MATCAP2: variants seen among roughly 807,000 people sequenced by gnomAD.
MATCAP2 encodes putative tyrosine carboxypeptidase MATCAP2.
the MATCAP2 span, chr7:36,366,613 G>A: frequency 1.4e-6 from 2 of 1,442,166 alleles, no homozygotes; most frequent in Non-Finnish European, 9.3e-7. Context: ...TTTGAAATAG[G>A]ATTTAACAAT....
chr7:36,357,409 A>G, the MATCAP2 span: 2 of 1,614,162 alleles, frequency 1.2e-6, no homozygotes, highest in Non-Finnish European at 1.7e-6. Flanking sequence ...TTTGTGAATG[A>G]TACTTTTTTT....
At chr7:36,334,408 A>C in the MATCAP2 span, among the ~76,000 whole-genome samples, 1 of 151,776 alleles carries the variant, frequency 6.6e-6, no homozygotes, top group Non-Finnish European at 1.5e-5. Flanking sequence ...GGTGGTGTGC[A>C]CCTGGGGTCC....
the MATCAP2 span, chr7:36,366,853 C>T: frequency 6.6e-7 from 1 of 1,503,802 alleles, no homozygotes; most frequent in South Asian, 1.2e-5. Context: ...TACCTGAGCC[C>T]CGGGCGGCGG....
chr7:36,325,959 A>G, the MATCAP2 span: 1 of 151,804 alleles, frequency 6.6e-6, no homozygotes, highest in Non-Finnish European at 1.5e-5. Context: ...ATTCTGTTTC[A>G]TAAAAAAGGT....
At chr7:36,375,665 A>T in the MATCAP2 span, among the ~76,000 whole-genome samples, 2 of 152,208 alleles carry the variant, frequency 1.3e-5, no homozygotes, top group African/African-American at 4.8e-5. Context: ...AAGGAATGGT[A>T]CCAGCTCCTC....
At chr7:36,347,681 T>C in the MATCAP2 span, among the ~76,000 whole-genome samples, 2 of 152,198 alleles carry the variant, frequency 1.3e-5, no homozygotes, top group Non-Finnish European at 2.9e-5. Context: ...AGAAAGTACT[T>C]AAGTTTTAAC....
At chr7:36,353,063 T>C in the MATCAP2 span, among the ~76,000 whole-genome samples, 2 of 151,946 alleles carry the variant, frequency 1.3e-5, no homozygotes, top group Admixed American at 6.6e-5. Flanking sequence ...TCACTTGAGC[T>C]CAGGAGACCA....
the MATCAP2 span, among the ~76,000 whole-genome samples, chr7:36,346,290 A>T: frequency 6.9e-4 from 105 of 152,240 alleles, no homozygotes; most frequent in Admixed American, 4.4e-3. Context: ...CTAGATGTGG[A>T]CCCAAGATAA....
chr7:36,383,951 G>A, the MATCAP2 span: 27 of 1,409,594 alleles, frequency 1.9e-5, no homozygotes, highest in Non-Finnish European at 2.6e-5. Context: ...AAAGATTTGT[G>A]TTATTGTATT....
chr7:36,368,820 T>G, the MATCAP2 span, among the ~76,000 whole-genome samples: 1 of 152,168 alleles, frequency 6.6e-6, no homozygotes, highest in African/African-American at 2.4e-5. Flanking sequence ...CTCAAGGCCT[T>G]TGCAACTTGG....
At chr7:36,336,245 A>G in the MATCAP2 span, 2 of 1,534,470 alleles carry the variant, frequency 1.3e-6, no homozygotes, top group Non-Finnish European at 1.7e-6. Flanking sequence ...GGCTTGTTCA[A>G]ATTTTTCATA....
chr7:36,372,474 C>T, the MATCAP2 span, among the ~76,000 whole-genome samples: 2 of 152,118 alleles, frequency 1.3e-5, no homozygotes, highest in South Asian at 2.1e-4. Flanking sequence ...GAATGAAAAG[C>T]GTTAAGTAGA....
At chr7:36,386,242 T>G in the MATCAP2 span, among the ~76,000 whole-genome samples, 2 of 151,980 alleles carry the variant, frequency 1.3e-5, no homozygotes, top group African/African-American at 4.8e-5. Context: ...TAACTGCTGC[T>G]AAGACAACTG....
chr7:36,360,361 T>C, the MATCAP2 span, among the ~76,000 whole-genome samples: 2 of 152,258 alleles, frequency 1.3e-5, no homozygotes, highest in South Asian at 2.1e-4. Context: ...GAATGAAGTA[T>C]GGCAGCGGGG....
chr7:36,363,427 T>C, the MATCAP2 span, among the ~76,000 whole-genome samples: 1 of 152,222 alleles, frequency 6.6e-6, no homozygotes. Context: ...TGCGTTCTAT[T>C]TTGAAAACAA....
chr7:36,324,222 C>T, the MATCAP2 span: 1 of 152,236 alleles, frequency 6.6e-6, no homozygotes. Context: ...CACACTTCAT[C>T]TGAGAACCTT....
chr7:36,331,336 T>C, the MATCAP2 span, among the ~76,000 whole-genome samples: 1 of 152,170 alleles, frequency 6.6e-6, no homozygotes, highest in Non-Finnish European at 1.5e-5. Context: ...TAACAATTCT[T>C]TCCTCACTAT....
chr7:36,348,481 A>T, the MATCAP2 span, among the ~76,000 whole-genome samples: 1 of 152,208 alleles, frequency 6.6e-6, no homozygotes, highest in African/African-American at 2.4e-5. Flanking sequence ...AACAAAACAT[A>T]TATGCAGGCT....
chr7:36,389,886 G>C, the MATCAP2 span: 2 of 1,472,998 alleles, frequency 1.4e-6, no homozygotes, highest in East Asian at 4.6e-5. Context: ...AAGCCGAGAG[G>C]AGAGGACAGC....
Sources: gnomAD v4.1 joint callset for allele counts (sites outside exome capture counted in the v4.1 genomes callset) on GRCh38, gnomAD v4.1.1 for gene constraint, MANE v1.5 for transcripts, NCBI Gene and HGNC (gene_info 2026-07-23, HGNC 2026-07-21) for gene names.